The following PTPRD variants were observed in gnomAD, a reference collection of about 807,000 sequenced individuals.
The protein encoded by PTPRD is protein tyrosine phosphatase receptor type D.
Under a neutral mutation model 214.5 loss-of-function variants are expected in PTPRD, and 34 were observed. That is an observed-to-expected ratio of 0.16 (90% confidence interval 0.12 to 0.21). The LOEUF (loss-of-function observed/expected upper bound fraction) is 0.21, where lower values mean the gene tolerates loss of function less well. PTPRD is among the 10% of genes least tolerant of loss of function. The probability of loss-of-function intolerance (pLI) is 1.00; values close to 1 mark genes in which losing one functional copy is unlikely to be tolerated. For missense variants in PTPRD, 2,545 were observed against 2,398.7 expected (o/e 1.06, Z -1.27); for synonymous variants, 1,128 against 845.7 (o/e 1.33, Z -5.79).
intron 9 of PTPRD, among the ~76,000 whole-genome samples, chr9:9,327,787 G>C (rs115969608): frequency 6.6e-6 from 1 of 151,942 alleles, no homozygotes; most frequent in Admixed American, 6.6e-5. Flanking sequence ...AGCATAAAAT[G>C]TATGATAGCA....
chr9:8,839,088 T>C (rs2097502758), intron 11 of PTPRD, among the ~76,000 whole-genome samples: 1 of 152,028 alleles, frequency 6.6e-6, no homozygotes, highest in Admixed American at 6.6e-5. Flanking sequence ...ATGCCTAATA[T>C]ATAAAGAACA....
rs113226250 is a variant in PTPRD, at chr9:10,341,209, C to T, written c.-599-192G>A. 1.4e-3 allele frequency among the ~76,000 whole-genome samples: 219 copies of T among 151,992 alleles called. 2 individuals carry two copies. The highest frequency in any genetic ancestry group is 4.6e-3 in the African/African-American group (193 of 41,520). ...TCGGTATTGATTTGTCCATGGTTAA[C>T]AGCAGATTCATGAAAAATTGTAACA... On this transcript the variant is annotated intron_variant, in intron 2 of 45. Coordinates refer to ENST00000381196, the MANE Select transcript of PTPRD (RefSeq NM_002839.4).
At chr9:8,668,203 T>A (rs567223810) in intron 12 of PTPRD, among the ~76,000 whole-genome samples, 1 of 152,308 alleles carries the variant, frequency 6.6e-6, no homozygotes, top group South Asian at 2.1e-4. Flanking sequence ...TCATGCTACC[T>A]AAAGAGGTAC....
At chr9:10,411,066 C>T (rs1407929) in intron 2 of PTPRD, among the ~76,000 whole-genome samples, 6,423 of 151,810 alleles carry the variant, frequency 0.042, 475 homozygotes, top group African/African-American at 0.14. Flanking sequence ...AAATGTTTGC[C>T]TGTTACCTTT....
chr9:9,224,170 G>T (rs1328956664), intron 9 of PTPRD, among the ~76,000 whole-genome samples: 1 of 151,934 alleles, frequency 6.6e-6, no homozygotes, highest in Non-Finnish European at 1.5e-5. Context: ...GCTACAGTCA[G>T]TGACTCCCTC....
chr9:9,425,076 G>C (rs1464177579), intron 8 of PTPRD, among the ~76,000 whole-genome samples: 2 of 152,120 alleles, frequency 1.3e-5, no homozygotes, highest in African/African-American at 4.8e-5. Context: ...TTGAAAGTAA[G>C]CTACCAAACA....
chr9:10,050,676 A>T (rs997151383), intron 3 of PTPRD, among the ~76,000 whole-genome samples: 18 of 151,576 alleles, frequency 1.2e-4, no homozygotes, highest in Non-Finnish European at 2.5e-4. Flanking sequence ...AATATGTAAA[A>T]TTGTATTTTC....
At chr9:9,792,459 T>C (rs2098974707) in intron 5 of PTPRD, among the ~76,000 whole-genome samples, 1 of 152,212 alleles carries the variant, frequency 6.6e-6, no homozygotes, top group South Asian at 2.1e-4. Flanking sequence ...TAGTGTAACC[T>C]AATGATGTTC....
chr9:9,436,534 A>T (rs2085326179), intron 8 of PTPRD, among the ~76,000 whole-genome samples: 1 of 152,158 alleles, frequency 6.6e-6, no homozygotes, highest in Non-Finnish European at 1.5e-5. Flanking sequence ...ATCCTAAAAT[A>T]ATTTCCTTTA....
intron 9 of PTPRD, among the ~76,000 whole-genome samples, chr9:9,324,301 C>A (rs1217567268): frequency 6.6e-6 from 1 of 152,186 alleles, no homozygotes. Context: ...TTTACATTCC[C>A]ACCAACAGTG....
At chr9:9,368,326 A>T (rs2058455211) in intron 9 of PTPRD, among the ~76,000 whole-genome samples, 1 of 151,762 alleles carries the variant, frequency 6.6e-6, no homozygotes, top group Admixed American at 6.6e-5. Flanking sequence ...CATGTGAATG[A>T]AATATACTAG....
chr9:10,309,580 G>A (rs2096207153), intron 3 of PTPRD, among the ~76,000 whole-genome samples: 1 of 150,652 alleles, frequency 6.6e-6, no homozygotes, highest in South Asian at 2.1e-4. Context: ...GGTCAGGCTG[G>A]TTTCAAACTC....
At chr9:9,426,335 T>A (rs1387601842) in intron 8 of PTPRD, among the ~76,000 whole-genome samples, 3 of 152,178 alleles carry the variant, frequency 2.0e-5, no homozygotes, top group South Asian at 4.1e-4. Flanking sequence ...GAGATCGAAC[T>A]GCAAGGCGGC....
intron 11 of PTPRD, among the ~76,000 whole-genome samples, chr9:8,873,090 T>C (rs997202181): frequency 6.6e-6 from 1 of 152,224 alleles, no homozygotes; most frequent in East Asian, 1.9e-4. Context: ...CTGAGACTTC[T>C]AATCTGTCTG....
intron 2 of PTPRD, among the ~76,000 whole-genome samples, chr9:10,531,063 C>A (rs981375877): frequency 6.6e-6 from 1 of 152,008 alleles, no homozygotes; most frequent in Non-Finnish European, 1.5e-5. Flanking sequence ...AATTCTCCTG[C>A]GTAAGCCTTC....
chr9:9,959,841 T>C (rs966798913), intron 4 of PTPRD, among the ~76,000 whole-genome samples: 5 of 152,180 alleles, frequency 3.3e-5, no homozygotes, highest in Non-Finnish European at 5.9e-5. Context: ...ATGACTTATG[T>C]TGTGATGGAT....
chr9:9,777,730 C>G (rs1028833008), intron 5 of PTPRD, among the ~76,000 whole-genome samples: 1 of 152,068 alleles, frequency 6.6e-6, no homozygotes, highest in Non-Finnish European at 1.5e-5. Context: ...ATAAATAACT[C>G]TGGAAACATG....
chr9:8,462,974 G>A (rs2096455138), intron 32 of PTPRD, among the ~76,000 whole-genome samples: 1 of 151,722 alleles, frequency 6.6e-6, no homozygotes, highest in Non-Finnish European at 1.5e-5. Flanking sequence ...AGCAAATCTT[G>A]GCTGAATAAG....
At chr9:8,475,917 A>T (rs534557448) in intron 30 of PTPRD, among the ~76,000 whole-genome samples, 1 of 152,160 alleles carries the variant, frequency 6.6e-6, no homozygotes, top group East Asian at 1.9e-4. Context: ...CAGTCTCTGA[A>T]ATTTTCAATT....
Sources: gnomAD v4.1 joint callset for allele counts (sites outside exome capture counted in the v4.1 genomes callset) on GRCh38, gnomAD v4.1.1 for gene constraint, MANE v1.5 for transcripts, NCBI Gene and HGNC (gene_info 2026-07-23, HGNC 2026-07-21) for gene names.